NYAP2: variants seen among roughly 807,000 people sequenced by gnomAD.
The protein encoded by NYAP2 is neuronal tyrosine-phosphorylated phosphoinositide-3-kinase adapter 2.
In NYAP2, 23 loss-of-function variants were observed where a neutral mutation model predicts 50.4. That is an observed-to-expected ratio of 0.46 (90% confidence interval 0.33 to 0.65). The LOEUF is 0.65. NYAP2 is among the 30% of genes least tolerant of loss of function. The pLI, the probability that NYAP2 is intolerant of heterozygous loss-of-function variation, is 0.02. For synonymous variants in NYAP2, 394 were observed against 365.2 expected, an observed-to-expected ratio of 1.08 and a Z score of -0.90; for missense variants, 885 against 861.0, an observed-to-expected ratio of 1.03 and a Z score of -0.35.
chr2:225,683,244 C>A, the NYAP2 span, among the ~76,000 whole-genome samples: 2 of 152,078 alleles, frequency 1.3e-5, no homozygotes, highest in African/African-American at 4.8e-5. Context: ...TGGTCCCTAT[C>A]TATAGATGAG....
At chr2:225,438,576 T>C (rs1689420655) in intron 3 of NYAP2, among the ~76,000 whole-genome samples, 1 of 152,206 alleles carries the variant, frequency 6.6e-6, no homozygotes, top group African/African-American at 2.4e-5. Flanking sequence ...ACATAATATC[T>C]TTCTGTATTT....
chr2:225,472,319 C>G (rs1690025100), intron 3 of NYAP2, among the ~76,000 whole-genome samples: 1 of 152,220 alleles, frequency 6.6e-6, no homozygotes, highest in Non-Finnish European at 1.5e-5. Context: ...TATGCATGTT[C>G]AGCCAGCAGC....
intron 3 of NYAP2, among the ~76,000 whole-genome samples, chr2:225,446,629 A>C (rs985500020): frequency 6.6e-5 from 10 of 152,166 alleles, no homozygotes; most frequent in Non-Finnish European, 1.3e-4. Context: ...TGGCACCTAC[A>C]AATGGTGACA....
At chr2:225,434,061 G>A (rs537267462) in intron 3 of NYAP2, among the ~76,000 whole-genome samples, 1 of 152,266 alleles carries the variant, frequency 6.6e-6, no homozygotes, top group African/African-American at 2.4e-5. Context: ...TAGTAAGGGA[G>A]GGTTTGTGTG....
At chr2:225,650,368 CGT>C (rs1304316153) in intron 6 of NYAP2, among the ~76,000 whole-genome samples, 3 of 152,090 alleles carry the variant, frequency 2.0e-5, no homozygotes, top group Non-Finnish European at 4.4e-5. Flanking sequence ...CTCTGGCACG[CGT>C]GTCAGTTCTC....
At chr2:225,540,675 T>C (rs1456390741) in intron 4 of NYAP2, among the ~76,000 whole-genome samples, 2 of 152,208 alleles carry the variant, frequency 1.3e-5, no homozygotes, top group African/African-American at 4.8e-5. Context: ...GTTTTCTTTA[T>C]CCATTCATCT....
the NYAP2 span, among the ~76,000 whole-genome samples, chr2:225,671,003 C>T: frequency 1.3e-5 from 2 of 152,014 alleles, no homozygotes; most frequent in African/African-American, 4.8e-5. Flanking sequence ...TATGTTTTTG[C>T]CAGTAGAAGG....
At chr2:225,424,347 CTAAT>C (rs1339440634) in intron 3 of NYAP2, among the ~76,000 whole-genome samples, 3 of 152,070 alleles carry the variant, frequency 2.0e-5, no homozygotes, top group Admixed American at 6.6e-5. Context: ...TATTTGAACT[CTAAT>C]TATCATCTCT....
At chr2:225,439,039 A>G (rs943943940) in intron 3 of NYAP2, among the ~76,000 whole-genome samples, 2 of 152,182 alleles carry the variant, frequency 1.3e-5, no homozygotes, top group Non-Finnish European at 2.9e-5. Context: ...GTGAGTTGGT[A>G]TAAGTTGGTG....
intron 3 of NYAP2, among the ~76,000 whole-genome samples, chr2:225,453,934 C>T (rs1689693926): frequency 6.6e-6 from 1 of 151,572 alleles, no homozygotes; most frequent in Non-Finnish European, 1.5e-5. Context: ...GCCTTGGCCT[C>T]CCAAAGTGCT....
At chr2:225,589,952 G>A (rs982970019) in intron 5 of NYAP2, among the ~76,000 whole-genome samples, 2 of 151,964 alleles carry the variant, frequency 1.3e-5, no homozygotes, top group African/African-American at 2.4e-5. Flanking sequence ...CTGGATGTAC[G>A]GTAACTTGGA....
chr2:225,452,175 C>A (rs574155081), intron 3 of NYAP2, among the ~76,000 whole-genome samples: 1 of 152,288 alleles, frequency 6.6e-6, no homozygotes, highest in South Asian at 2.1e-4. Flanking sequence ...GATTCAAATG[C>A]TATTTCTGCC....
At chr2:225,605,162 G>A (rs958896120) in intron 5 of NYAP2, among the ~76,000 whole-genome samples, 2 of 152,048 alleles carry the variant, frequency 1.3e-5, no homozygotes, top group Admixed American at 6.6e-5. Context: ...TATTTTTAGT[G>A]CCTGAATGCC....
At chr2:225,577,019 CTTT>C (rs11297489) in intron 4 of NYAP2, among the ~76,000 whole-genome samples, 6 of 150,004 alleles carry the variant, frequency 4.0e-5, no homozygotes, top group African/African-American at 1.2e-4. Flanking sequence ...TTACATTACA[CTTT>C]TTTTTTTTTA....
At chr2:225,621,081 T>A (rs1336664657) in intron 5 of NYAP2, among the ~76,000 whole-genome samples, 1 of 138,468 alleles carries the variant, frequency 7.2e-6, no homozygotes, top group East Asian at 2.1e-4. Context: ...GCCACTGCAC[T>A]CCAGCCTGGG....
the NYAP2 span, among the ~76,000 whole-genome samples, chr2:225,693,556 G>A: frequency 2.8e-3 from 425 of 152,076 alleles, 1 homozygote; most frequent in South Asian, 7.0e-3. Context: ...ATTTTTCACC[G>A]TTCTGGAAAC....
chr2:225,573,227 GAAC>G (rs1254753783), intron 4 of NYAP2, among the ~76,000 whole-genome samples: 4 of 147,474 alleles, frequency 2.7e-5, no homozygotes, highest in Admixed American at 6.8e-5. Flanking sequence ...CCATGGCTTA[GAAC>G]AACAACAACA....
chr2:225,509,040 A>G (rs1345624360), intron 3 of NYAP2, among the ~76,000 whole-genome samples: 2 of 152,164 alleles, frequency 1.3e-5, no homozygotes, highest in Non-Finnish European at 2.9e-5. Flanking sequence ...GAGATAAACT[A>G]TAGCCCTCAT....
At chr2:225,521,798 T>C (rs1691064172) in intron 4 of NYAP2, among the ~76,000 whole-genome samples, 2 of 152,106 alleles carry the variant, frequency 1.3e-5, no homozygotes, top group Admixed American at 6.6e-5. Context: ...TAAAATGAGT[T>C]ACGGAGGATT....
Sources: allele counts gnomAD v4.1 joint callset (sites outside exome capture counted in the v4.1 genomes callset), GRCh38; gene constraint gnomAD v4.1.1; transcripts MANE v1.5; gene names NCBI Gene and HGNC (gene_info 2026-07-23, HGNC 2026-07-21).